CEP63: variants seen among roughly 807,000 people sequenced by gnomAD.
The protein encoded by CEP63 is centrosomal protein 63, also known as centrosomal protein of 63 kDa.
CEP63 carries 84 observed loss-of-function variants against 89.1 expected under a neutral mutation model. That is an observed-to-expected ratio of 0.94 (90% CI 0.79 to 1.13). The LOEUF is 1.13. CEP63 is among the 50% of genes most tolerant of loss of function. The pLI is 0.00. For synonymous variants in CEP63, 267 were observed against 272.5 expected (o/e 0.98, Z 0.20); for missense variants, 838 against 813.3 (o/e 1.03, Z -0.37).
At chr3:134,650,651 C>G in the CEP63 span, among the ~76,000 whole-genome samples, 6 of 152,126 alleles carry the variant, frequency 3.9e-5, no homozygotes, top group Non-Finnish European at 8.8e-5. Flanking sequence ...CGGGACTGCG[C>G]GTTGCCACGG....
At position 134,537,184 on chromosome 3, in the gene CEP63, G is replaced by A; in HGVS notation, c.471G>A (p.Glu157=). The change falls in exon 6 of 15, where the codon GAG becomes GAA. Residue 157 remains glutamate (E), a synonymous_variant. Transcript: ENST00000675561. The stretch of plus-strand genomic sequence containing the variant: ...TCCGTCAGAAATCGCTGGACTGGGA[G>A]AAGCAACGCTTGATTTATCAGCAAC... ...EEFRQKSLDW[E]KQRLIYQQQV... 6.2e-7 allele frequency: 1 copy of A among 1,613,846 alleles called. No individual in the cohort carries two copies. The highest frequency in any genetic ancestry group is 8.5e-7 in the Non-Finnish European group (1 of 1,179,718).
the CEP63 span, among the ~76,000 whole-genome samples, chr3:134,776,799 A>C: frequency 6.6e-6 from 1 of 152,272 alleles, no homozygotes; most frequent in South Asian, 2.1e-4. Flanking sequence ...GGCAGTCAAG[A>C]GGTGGTGAAG....
At chr3:134,572,961 G>C (rs4345111) in intron 11 of CEP63, among the ~76,000 whole-genome samples, 1 of 152,210 alleles carries the variant, frequency 6.6e-6, no homozygotes, top group Non-Finnish European at 1.5e-5. Flanking sequence ...CTGACTGATA[G>C]GAGATGGTTA....
At chr3:134,525,582 T>G (rs1948474184) in intron 3 of CEP63, among the ~76,000 whole-genome samples, 1 of 152,236 alleles carries the variant, frequency 6.6e-6, no homozygotes. Context: ...GTTAGCTGGT[T>G]ATTTTGCAGT....
chr3:134,651,738 T>G, the CEP63 span: 2 of 501,154 alleles, frequency 4.0e-6, no homozygotes, highest in Non-Finnish European at 5.2e-6. Context: ...GCCTGGCTCC[T>G]GCCCTGTGGG....
chr3:134,526,087 C>T (rs762143635), intron 3 of CEP63, among the ~76,000 whole-genome samples: 3 of 152,264 alleles, frequency 2.0e-5, no homozygotes, highest in Middle Eastern at 3.4e-3. Context: ...GTAGATGTGG[C>T]ATCTTTACAT....
intron 1 of CEP63, chr3:134,486,409 C>T: frequency 1.0e-6 from 1 of 985,522 alleles, no homozygotes; most frequent in Middle Eastern, 5.2e-4. Context: ...TGGGTCCGCC[C>T]CGAAGCCCAG....
the CEP63 span, among the ~76,000 whole-genome samples, chr3:134,664,650 A>G: frequency 0.011 from 1,537 of 144,588 alleles, 35 homozygotes; most frequent in East Asian, 0.099. Flanking sequence ...GGCACATGAC[A>G]GGTGTTTCTT....
chr3:134,626,540 G>T, the CEP63 span, among the ~76,000 whole-genome samples: 1 of 152,208 alleles, frequency 6.6e-6, no homozygotes, highest in South Asian at 2.1e-4. Context: ...TCCCTGCCTG[G>T]TGGGGGACAC....
the CEP63 span, among the ~76,000 whole-genome samples, chr3:134,746,793 T>A: frequency 6.6e-6 from 1 of 152,226 alleles, no homozygotes; most frequent in African/African-American, 2.4e-5. Flanking sequence ...TTCTTGTAAA[T>A]TTGTTTAAGT....
chr3:134,697,357 G>A, the CEP63 span, among the ~76,000 whole-genome samples: 1 of 152,160 alleles, frequency 6.6e-6, no homozygotes, highest in Admixed American at 6.5e-5. Flanking sequence ...TTGACAGGGT[G>A]TTTTCGATGG....
chr3:134,662,740 G>T, the CEP63 span, among the ~76,000 whole-genome samples: 1 of 152,368 alleles, frequency 6.6e-6, no homozygotes, highest in Non-Finnish European at 1.5e-5. Flanking sequence ...CCACTTGACA[G>T]ATAGCGTCTG....
At chr3:134,485,952 C>G (rs190969508), upstream of CEP63, 1 of 982,136 alleles carries the variant, frequency 1.0e-6, no homozygotes, top group Non-Finnish European at 1.2e-6. Flanking sequence ...AAACCCTTAC[C>G]GGCACCCGGC....
chr3:134,496,441 G>T (rs1010856517), intron 2 of CEP63, among the ~76,000 whole-genome samples: 132 of 138,836 alleles, frequency 9.5e-4, no homozygotes, highest in Middle Eastern at 3.8e-3. Context: ...AGGGGGGGGG[G>T]GCTAAAGAAC....
At chr3:134,520,385 A>C (rs933484497) in intron 3 of CEP63, among the ~76,000 whole-genome samples, 1 of 152,190 alleles carries the variant, frequency 6.6e-6, no homozygotes, top group African/African-American at 2.4e-5. Context: ...CTCTGCACAG[A>C]AAGCTCTAAA....
the CEP63 span, among the ~76,000 whole-genome samples, chr3:134,731,263 A>AG: frequency 1.3e-5 from 2 of 152,176 alleles, no homozygotes; most frequent in African/African-American, 4.8e-5. Context: ...AACTTGATTC[A>AG]GTGAACATAT....
chr3:134,541,636 C>A (rs1210925962), intron 6 of CEP63, among the ~76,000 whole-genome samples: 1 of 151,260 alleles, frequency 6.6e-6, no homozygotes, highest in African/African-American at 2.4e-5. Context: ...TCCTCAGCAT[C>A]CCAAGTAGCT....
At chr3:134,733,868 T>C in the CEP63 span, among the ~76,000 whole-genome samples, 1 of 150,806 alleles carries the variant, frequency 6.6e-6, no homozygotes, top group Non-Finnish European at 1.5e-5. Flanking sequence ...AGGAAACGCA[T>C]GTAGATGGAT....
chr3:134,650,779 G>T, the CEP63 span: 965 of 1,510,822 alleles, frequency 6.4e-4, 10 homozygotes, highest in African/African-American at 0.012. Context: ...TGGCAAGGAG[G>T]CCAAGGTGCC....
Sources: gnomAD v4.1 joint callset for allele counts (sites outside exome capture counted in the v4.1 genomes callset) on GRCh38, gnomAD v4.1.1 for gene constraint, MANE v1.5 for transcripts, NCBI Gene and HGNC (gene_info 2026-07-23, HGNC 2026-07-21) for gene names.